C17orf78: variants seen among roughly 807,000 people sequenced by gnomAD.
C17orf78 encodes uncharacterized protein C17orf78.
Under a neutral mutation model 31.8 loss-of-function variants are expected in C17orf78, and 27 were observed. That is an observed-to-expected ratio of 0.85 (90% CI 0.63 to 1.17). C17orf78 has a LOEUF of 1.17. C17orf78 is among the 50% of genes most tolerant of loss of function. C17orf78 has a pLI of 0.00. For synonymous variants in C17orf78, 106 were observed against 115.1 expected (o/e 0.92, Z 0.51); for missense variants, 258 against 315.2 (o/e 0.82, Z 1.37).
At chr17:37,389,674 A>C (rs1330126293) in intron 6 of C17orf78, among the ~76,000 whole-genome samples, 1 of 151,900 alleles carries the variant, frequency 6.6e-6, no homozygotes, top group Non-Finnish European at 1.5e-5. Flanking sequence ...GCAACAGAGT[A>C]AGACTCTGTC....
chr17:37,384,940 G>C (rs2050461171), intron 3 of C17orf78, among the ~76,000 whole-genome samples: 1 of 152,144 alleles, frequency 6.6e-6, no homozygotes, highest in Non-Finnish European at 1.5e-5. Context: ...AATGATATGA[G>C]ACCACTAAAA....
intron 3 of C17orf78, among the ~76,000 whole-genome samples, chr17:37,380,086 T>C (rs2050179589): frequency 6.6e-6 from 1 of 152,034 alleles, no homozygotes; most frequent in African/African-American, 2.4e-5. Flanking sequence ...CATGGAATAC[T>C]ATGCAGCCAT....
chr17:37,381,678 A>G (rs1597754125), intron 3 of C17orf78, among the ~76,000 whole-genome samples: 1 of 130,872 alleles, frequency 7.6e-6, no homozygotes, highest in Middle Eastern at 5.6e-3. Flanking sequence ...CCCAGGCTGG[A>G]GTGCAGTGGT....
rs2050932411 is a variant in C17orf78, at chr17:37,392,703, C to T, written c.*979C>T. 2 of 152,174 alleles carry T rather than the reference C, an allele frequency of 1.3e-5. No homozygotes were observed. Among genetic ancestry groups the T allele is most frequent in the Admixed American group, 6.5e-5 (1 of 15,284 alleles). 9.4% of individuals were successfully genotyped at this position (152,174 alleles called of 1,614,324 possible). A position where few individuals can be genotyped will look rare whatever the true frequency, so the allele number is the denominator to read the frequency against. On this transcript the variant is annotated 3_prime_UTR_variant, in exon 7 of 7. Coordinates refer to ENST00000615133, the MANE Select transcript of C17orf78 (RefSeq NM_173625.5). ...ATAAACTGTATCCTTCTTTCTTTCACTTCAAGTGCTGTCCAAAAAGTGATT... is the reference window on the plus strand; with the variant it reads ...ATAAACTGTATCCTTCTTTCTTTCATTTCAAGTGCTGTCCAAAAAGTGATT...
At position 37,385,700 on chromosome 17, in the gene C17orf78, T is replaced by C. The variant is rs565108670; in HGVS notation, c.392-309T>C. Among the ~76,000 whole-genome samples, 5 of 152,316 alleles carry C rather than the reference T, an allele frequency of 3.3e-5. No homozygotes were observed. In the East Asian group the frequency reaches 7.7e-4, roughly 23 times the overall value. On this transcript the variant is annotated intron_variant, in intron 3 of 6. Coordinates refer to ENST00000615133, the MANE Select transcript of C17orf78 (RefSeq NM_173625.5). ...AGAAGGAAACTGTCAACAGTTTTTA[T>C]GGCCTTCATCTTTATTATTATTATG...
At chr17:37,385,277 G>A (rs1727921750) in intron 3 of C17orf78, among the ~76,000 whole-genome samples, 2 of 152,096 alleles carry the variant, frequency 1.3e-5, no homozygotes, top group African/African-American at 4.8e-5. Flanking sequence ...TTTAAGACCA[G>A]CCTGGCCAGC....
intron 3 of C17orf78, among the ~76,000 whole-genome samples, chr17:37,381,789 A>T (rs542046178): frequency 2.0e-5 from 3 of 151,362 alleles, no homozygotes; most frequent in Non-Finnish European, 2.9e-5. Context: ...CACCACACCC[A>T]GTTAATTTTT....
At chr17:37,381,761 G>A (rs999719861) in intron 3 of C17orf78, among the ~76,000 whole-genome samples, 2 of 151,296 alleles carry the variant, frequency 1.3e-5, no homozygotes, top group Non-Finnish European at 2.9e-5. Flanking sequence ...CCGAGTAGCT[G>A]GGACTACAGG....
chr17:37,387,656 G>A (rs911012943), intron 4 of C17orf78: 12 of 151,894 alleles, frequency 7.9e-5, no homozygotes, highest in African/African-American at 2.9e-4. Flanking sequence ...ATGTTGGCCA[G>A]GCTGGTCTCA....
At chr17:37,388,616 C>T (rs1322575583) in intron 4 of C17orf78, 54 bp from the exon 5 acceptor site, 19 of 1,566,664 alleles carry the variant, frequency 1.2e-5, no homozygotes, top group Non-Finnish European at 1.5e-5. Flanking sequence ...GGATCAATCT[C>T]TTTCCTCTCT....
chr17:37,381,248 C>T (rs754570764), intron 3 of C17orf78, among the ~76,000 whole-genome samples: 124 of 152,122 alleles, frequency 8.2e-4, no homozygotes, highest in African/African-American at 2.4e-3. Context: ...CGCAGTGGCG[C>T]GATCTCGTCT....
rs1426729128 is a variant in C17orf78, at chr17:37,389,325, G to A, written c.713G>A (p.Gly238Glu). The change falls in exon 6 of 7, where the codon GGG becomes GAG. Residue 238 changes from glycine (G) to glutamate (E), a missense_variant. By Grantham distance (98) the Gly-to-Glu change is moderately conservative (BLOSUM62 -2). Transcript: ENST00000615133. ...CAAAAGAAGGGAGGCCAGCCACCTG[G>A]GACAGCTGAATCCAAGCCTGACTCT... ...RWQKKGGQPP[G>E]TAESKPDSQP... 2 of 1,594,692 alleles carry A rather than the reference G, an allele frequency of 1.3e-6. No individual in the cohort carries two copies. Among genetic ancestry groups the A allele is most frequent in the African/African-American group, 2.7e-5 (2 of 74,570 alleles).
At chr17:37,384,774 C>T (rs925677347) in intron 3 of C17orf78, among the ~76,000 whole-genome samples, 2 of 152,268 alleles carry the variant, frequency 1.3e-5, no homozygotes, top group Middle Eastern at 3.4e-3. Flanking sequence ...AAACTGGAAT[C>T]GGGGATCACC....
intron 6 of C17orf78, among the ~76,000 whole-genome samples, chr17:37,390,744 G>A (rs1402063395): frequency 1.3e-5 from 2 of 150,572 alleles, no homozygotes; most frequent in Non-Finnish European, 3.0e-5. Flanking sequence ...AATGAGCTAT[G>A]ATCGAGCCAC....
chr17:37,377,145 T>C lies in C17orf78; in HGVS notation c.59-734T>C, dbSNP rs547590289. On this transcript the variant is annotated intron_variant, in intron 1 of 6. Transcript: ENST00000615133. ...CTATAGAGATACCAAGGTCAGACAA[T>C]ATAAATCTCCAAAAGCTTTATTTAA... Among the ~76,000 whole-genome samples, 4 of 152,114 alleles carry C rather than the reference T, an allele frequency of 2.6e-5. No homozygotes were observed. In the East Asian group the frequency reaches 7.7e-4, roughly 29 times the overall value.
At chr17:37,377,992 T>A (rs745997340) in intron 2 of C17orf78, 27 bp downstream of exon 2, 1 of 1,603,010 alleles carries the variant, frequency 6.2e-7, no homozygotes, top group South Asian at 1.1e-5. Context: ...TTCTGGAAAA[T>A]GATATTGCCA....
At chr17:37,389,146 GA>G (rs1281493185) in intron 5 of C17orf78, 99 bp from the exon 6 acceptor site, 4 of 1,405,490 alleles carry the variant, frequency 2.8e-6, no homozygotes, top group Non-Finnish European at 3.8e-6. Flanking sequence ...ATTTTATTTA[GA>G]AGAGATGGCT....
At chr17:37,378,544 C>T (rs941900440) in intron 2 of C17orf78, among the ~76,000 whole-genome samples, 7 of 152,090 alleles carry the variant, frequency 4.6e-5, no homozygotes, top group Non-Finnish European at 7.3e-5. Context: ...GAAACCCCAT[C>T]TCTACTAAAG....
intron 2 of C17orf78, 25 bp downstream of exon 2, chr17:37,377,990 A>C: frequency 1.2e-6 from 2 of 1,604,656 alleles, no homozygotes; most frequent in Non-Finnish European, 1.7e-6. Flanking sequence ...CTTTCTGGAA[A>C]ATGATATTGC....
Sources: allele counts gnomAD v4.1 joint callset (sites outside exome capture counted in the v4.1 genomes callset), GRCh38; gene constraint gnomAD v4.1.1; transcripts MANE v1.5; gene names NCBI Gene and HGNC (gene_info 2026-07-23, HGNC 2026-07-21).